The following DLAT variants were observed in gnomAD, a reference collection of about 807,000 sequenced individuals.
DLAT encodes the protein dihydrolipoamide S-acetyltransferase.
In DLAT, 43 loss-of-function variants were observed where a neutral mutation model predicts 68.0. The ratio of observed to expected loss-of-function variants is 0.63; its 90% CI spans 0.50 to 0.81. The LOEUF (loss-of-function observed/expected upper bound fraction) is 0.81, where lower values mean the gene tolerates loss of function less well. Among genes scored for constraint, DLAT ranks in the 40% least tolerant of loss-of-function variants. The pLI is 0.00. For synonymous variants in DLAT, 265 were observed against 288.6 expected (o/e 0.92, Z 0.83); for missense variants, 745 against 815.4 (o/e 0.91, Z 1.05).
chr11:112,045,054 C>A (rs1592691548), intron 8 of DLAT, 84 bp from the exon 9 acceptor site: 60 of 781,308 alleles, frequency 7.7e-5, no homozygotes, highest in Middle Eastern at 2.6e-4. Context: ...AAAAAAAAAA[C>A]TGCATAGTCA....
Position 112,062,508 on chromosome 11 carries a change from T to C in DLAT, c.1917T>C (p.Leu639=). 6.2e-7 allele frequency: 1 copy of C among 1,612,592 alleles called. No individual in the cohort carries two copies. The highest frequency in any genetic ancestry group is 8.5e-7 in the Non-Finnish European group (1 of 1,180,008). The change falls in exon 14 of 14, where the codon CTT becomes CTC. Residue 639 remains leucine (L), a synonymous_variant. Coordinates refer to ENST00000280346, the MANE Select transcript of DLAT (RefSeq NM_001931.5). ...AQWLAEFRKY[L]EKPITMLL The stretch of plus-strand genomic sequence containing the variant: ...GGCTTGCTGAGTTTAGAAAGTACCT[T>C]GAAAAACCTATCACTATGTTGTTGT...
rs147092437 is a variant in DLAT at position 112,047,809 on chromosome 11, G to C, written c.1398+1839G>C. Among the ~76,000 whole-genome samples the C allele has an allele frequency of 7.4e-3, 1,123 of 152,244 alleles. 15 individuals are homozygous for C. The highest frequency in any genetic ancestry group is 0.025 in the African/African-American group (1,056 of 41,540). ...GCATTATGTCTGAGGCTTCTGTTCT[G>C]TTCCATTGGTCTATATATCTGTTTT... On this transcript the variant is annotated intron_variant, in intron 10 of 13. Coordinates refer to ENST00000280346, the MANE Select transcript of DLAT (RefSeq NM_001931.5).
intron 5 of DLAT, 146 bp from the exon 6 acceptor site, chr11:112,037,127 C>T (rs587713886): frequency 2.8e-6 from 2 of 714,926 alleles, no homozygotes; most frequent in Admixed American, 2.4e-5. Context: ...GGTAAAGAAA[C>T]CAAGACACAG....
chr11:112,042,247 C>T (rs759833725), intron 7 of DLAT, among the ~76,000 whole-genome samples: 2 of 152,116 alleles, frequency 1.3e-5, no homozygotes, highest in Admixed American at 1.3e-4. Flanking sequence ...AAAGGGTTTA[C>T]AAGGTTTCAA....
chr11:112,055,235 ATTTTTTTTTTTTTTTTTT>A (rs66865041), intron 11 of DLAT, among the ~76,000 whole-genome samples: 2 of 75,444 alleles, frequency 2.7e-5, no homozygotes, highest in Admixed American at 3.6e-4. Flanking sequence ...GTCAAGGCCT[ATTTTTTTTTTTTTTTTTT>A]TTTTTTTTGA....
At chr11:112,027,592 C>T (rs1862131975) in intron 2 of DLAT, among the ~76,000 whole-genome samples, 1 of 152,144 alleles carries the variant, frequency 6.6e-6, no homozygotes, top group South Asian at 2.1e-4. Flanking sequence ...CACGCCACTG[C>T]ACTCCAGCCT....
chr11:112,062,107 C>T (rs967890507), intron 13 of DLAT, among the ~76,000 whole-genome samples: 20 of 152,006 alleles, frequency 1.3e-4, no homozygotes, highest in Non-Finnish European at 2.6e-4. Flanking sequence ...GCTGCTGTTG[C>T]AAATAATCTG....
intron 7 of DLAT, among the ~76,000 whole-genome samples, chr11:112,041,938 G>C (rs1265245503): frequency 6.6e-6 from 1 of 151,998 alleles, no homozygotes; most frequent in Non-Finnish European, 1.5e-5. Context: ...GGGTCTAGTA[G>C]GAGATGAGAT....
intron 8 of DLAT, among the ~76,000 whole-genome samples, chr11:112,044,645 C>G (rs957390909): frequency 1.3e-5 from 2 of 152,050 alleles, no homozygotes; most frequent in Admixed American, 6.5e-5. Context: ...ACACTTAAAA[C>G]ATGACTTCAG....
intron 7 of DLAT, among the ~76,000 whole-genome samples, chr11:112,040,864 T>C (rs1863016459): frequency 6.6e-6 from 1 of 151,834 alleles, no homozygotes; most frequent in African/African-American, 2.4e-5. Context: ...TCAGCAATAC[T>C]CGTTACCTTA....
rs1488684274 is a variant in DLAT at position 112,063,917 on chromosome 11, T to C, written c.*1382T>C. The C allele has an allele frequency of 2.7e-6, 1 of 369,648 alleles. No homozygotes were observed. Among genetic ancestry groups the C allele is most frequent in the Non-Finnish European group, 4.8e-6 (1 of 207,530 alleles). The allele number at this position is 369,648 out of a possible 1,614,324, so 22.9% of individuals were successfully genotyped here. A position where few individuals can be genotyped will look rare whatever the true frequency, so the allele number is the denominator to read the frequency against. On this transcript the variant is annotated 3_prime_UTR_variant, in exon 14 of 14. Coordinates refer to ENST00000280346, the MANE Select transcript of DLAT (RefSeq NM_001931.5). ...CCAGTGCTTCCTGGTATATGTAATATGTGGAGTTAGCCCCTGAAATTTGCT... is the reference window on the plus strand; with the variant it reads ...CCAGTGCTTCCTGGTATATGTAATACGTGGAGTTAGCCCCTGAAATTTGCT...
At chr11:112,035,051 C>T (rs1315571444) in intron 5 of DLAT, among the ~76,000 whole-genome samples, 1 of 152,172 alleles carries the variant, frequency 6.6e-6, no homozygotes, top group African/African-American at 2.4e-5. Flanking sequence ...GCTGGGATTA[C>T]AGGCATAAGC....
chr11:112,031,336 A>G (rs1279564627), intron 4 of DLAT, among the ~76,000 whole-genome samples: 1 of 152,242 alleles, frequency 6.6e-6, no homozygotes, highest in African/African-American at 2.4e-5. Context: ...ACATTTAGAT[A>G]GGCATTCTGA....
In DLAT at chr11:112,051,143, T is replaced by TA; in HGVS notation, c.1399-88dup. ...CCATGGCACATGTTTACCTATATAA[T>TA]AAACCTGGACATTCTGCACATGCAC... On this transcript the variant is annotated intron_variant, in intron 10 of 13. Transcript: ENST00000280346. This position sits in a 1 kb window ranked among gnomAD's most constrained non-coding sequence, Gnocchi z 4.3. 1 of 879,582 alleles carries TA rather than the reference T, an allele frequency of 1.1e-6. No homozygotes were observed. Among genetic ancestry groups the TA allele is most frequent in the Non-Finnish European group, 1.8e-6 (1 of 563,082 alleles). The allele number at this position is 879,582 out of a possible 1,614,324, so 54.5% of individuals were successfully genotyped here.
chr11:112,026,001 C>A (rs186711444), intron 1 of DLAT, among the ~76,000 whole-genome samples, 197 bp from the exon 2 acceptor site: 1 of 152,230 alleles, frequency 6.6e-6, no homozygotes, highest in East Asian at 1.9e-4. Context: ...GTCAGACCCA[C>A]AGGACTGTGG....
chr11:112,028,420 CAAAAAA>C (rs148561787), intron 2 of DLAT, 89 bp from the exon 3 acceptor site: 1,319 of 818,108 alleles, frequency 1.6e-3, no homozygotes, highest in East Asian at 2.6e-3. Flanking sequence ...CTCTGTGTCT[CAAAAAA>C]AAAAAAAAAA....
At chr11:112,058,639 C>A (rs1161241427) in intron 11 of DLAT, among the ~76,000 whole-genome samples, 6 of 140,270 alleles carry the variant, frequency 4.3e-5, no homozygotes, top group Non-Finnish European at 7.7e-5. Context: ...GGGGGGGAAT[C>A]ACCTTTTTTT....
chr11:112,045,231 G>T lies in DLAT; in HGVS notation c.1290+1G>T, dbSNP rs1277053568. 6.2e-7 allele frequency: 1 copy of T among 1,612,392 alleles called. No homozygotes were observed. Among genetic ancestry groups the T allele is most frequent in the African/African-American group, 1.3e-5 (1 of 74,866 alleles). ...TATCCCAATCAGCAACATTCGTCGG[G>T]TAAGAGAATTACCATCATCTGGAAT... is the stretch of plus-strand genomic sequence containing the variant. On this transcript the variant is annotated splice_donor_variant, in intron 9 of 13. Transcript: ENST00000280346. LOFTEE classifies it high-confidence loss of function.
rs1555183635 is a variant in DLAT, at chr11:112,064,379, AT to A, written c.*1845del. On this transcript the variant is annotated 3_prime_UTR_variant, in exon 14 of 14. Coordinates refer to ENST00000280346, the MANE Select transcript of DLAT (RefSeq NM_001931.5). ...CATATGATTATTTAAAAATTAAAGT[AT>A]AAATCTTCAATATGTCTGGTTTAAT... 3.3e-6 allele frequency: 2 copies of A among 598,648 alleles called. No individual in the cohort carries two copies. Among genetic ancestry groups the A allele is most frequent in the Non-Finnish European group, 5.5e-6 (2 of 365,844 alleles). 37.1% of individuals were successfully genotyped at this position (598,648 alleles called of 1,614,324 possible).
Sources: allele counts gnomAD v4.1 joint callset (sites outside exome capture counted in the v4.1 genomes callset), GRCh38; gene constraint gnomAD v4.1.1; non-coding constraint Gnocchi (gnomAD v3.1); transcripts MANE v1.5; gene names NCBI Gene and HGNC (gene_info 2026-07-23, HGNC 2026-07-21).